Variants in RIMS1 observed in about 807,000 individuals in gnomAD.
The protein encoded by RIMS1 is regulating synaptic membrane exocytosis protein 1.
Under a neutral mutation model 214.1 loss-of-function variants are expected in RIMS1, and 83 were observed. That is an observed-to-expected ratio of 0.39 (90% CI 0.32 to 0.47). The LOEUF (loss-of-function observed/expected upper bound fraction) is 0.47. Among genes scored for constraint, RIMS1 ranks in the 20% least tolerant of loss-of-function variants. RIMS1 has a pLI of 0.99. For synonymous variants in RIMS1, 793 were observed against 786.8 expected, an observed-to-expected ratio of 1.01 and a Z score of -0.13; for missense variants, 2,050 against 2,161.8, an observed-to-expected ratio of 0.95 and a Z score of 1.03.
At chr6:72,220,723 G>A (rs2058099602) in intron 6 of RIMS1, among the ~76,000 whole-genome samples, 1 of 152,064 alleles carries the variant, frequency 6.6e-6, no homozygotes, top group African/African-American at 2.4e-5. Context: ...CAGATCATTG[G>A]CATAAGCAAA....
intron 2 of RIMS1, among the ~76,000 whole-genome samples, chr6:72,080,071 T>A: frequency 1.3e-5 from 1 of 74,548 alleles, no homozygotes; most frequent in Non-Finnish European, 2.4e-5. Flanking sequence ...ACCGTGTCTC[T>A]ACTAAAAAAA....
At chr6:72,031,595 T>C (rs1224628999) in intron 2 of RIMS1, among the ~76,000 whole-genome samples, 3 of 152,118 alleles carry the variant, frequency 2.0e-5, no homozygotes, top group African/African-American at 7.2e-5. Context: ...AAAAATTTCA[T>C]ATGAGTAAAC....
intron 19 of RIMS1, chr6:72,263,073 G>A (rs188087036): frequency 2.1e-6 from 2 of 970,660 alleles, no homozygotes; most frequent in African/African-American, 3.5e-5. Context: ...TGTTTAACTA[G>A]TTTTTCCAAA....
At chr6:71,996,604 A>G (rs1803510483) in intron 2 of RIMS1, among the ~76,000 whole-genome samples, 1 of 152,228 alleles carries the variant, frequency 6.6e-6, no homozygotes, top group Non-Finnish European at 1.5e-5. Flanking sequence ...AGAAAATGAC[A>G]AGCTCGTCCA....
chr6:72,271,878 G>A (rs1591466806), intron 22 of RIMS1, among the ~76,000 whole-genome samples: 1 of 152,254 alleles, frequency 6.6e-6, no homozygotes, highest in East Asian at 1.9e-4. Context: ...AAGCCTCACT[G>A]TATTTCCTTC....
intron 1 of RIMS1, among the ~76,000 whole-genome samples, chr6:71,895,447 G>A (rs1771380351): frequency 6.6e-6 from 1 of 152,082 alleles, no homozygotes; most frequent in Admixed American, 6.6e-5. Flanking sequence ...GGCTGAGAAG[G>A]GCGTATCACC....
chr6:72,258,055 A>G (rs1191022657), intron 16 of RIMS1, 70 bp from the exon 17 acceptor site: 5 of 1,358,036 alleles, frequency 3.7e-6, no homozygotes, highest in East Asian at 4.9e-5. Context: ...GAATAATTTT[A>G]TATTCCTGTG....
intron 4 of RIMS1, among the ~76,000 whole-genome samples, chr6:72,134,554 T>C (rs2040963888): frequency 6.6e-6 from 1 of 152,112 alleles, no homozygotes; most frequent in Non-Finnish European, 1.5e-5. Context: ...ATGAGTTTCG[T>C]AACTTAAGAT....
At chr6:72,292,143 T>C in intron 26 of RIMS1, 97 bp downstream of exon 26, 1 of 743,646 alleles carries the variant, frequency 1.3e-6, no homozygotes, top group East Asian at 2.8e-5. Flanking sequence ...TTTGATTATA[T>C]GTAGTTTGCT....
intron 4 of RIMS1, among the ~76,000 whole-genome samples, chr6:72,165,256 C>A (rs1019198624): frequency 6.6e-6 from 1 of 152,146 alleles, no homozygotes; most frequent in Admixed American, 6.5e-5. Flanking sequence ...ATACACAAGT[C>A]TACTTAGTTC....
chr6:72,094,725 T>C (rs960954137), intron 2 of RIMS1, among the ~76,000 whole-genome samples: 2 of 152,156 alleles, frequency 1.3e-5, no homozygotes, highest in African/African-American at 4.8e-5. Context: ...CTGGCTTTAT[T>C]CCAAAAAGTT....
In RIMS1 at chr6:72,259,045, C is replaced by T. The variant is rs779288398; in HGVS notation, c.2987C>T (p.Ala996Val). 2.5e-6 allele frequency: 4 copies of T among 1,611,642 alleles called. No individual in the cohort carries two copies. The highest frequency in any genetic ancestry group is 3.4e-6 in the Non-Finnish European group (4 of 1,177,978). Residue 996 changes from alanine (A) to valine (V), a missense_variant, in exon 18 of 34, where the codon GCC becomes GTC. Physicochemically the swap from Ala to Val is moderately conservative, Grantham distance 64 (BLOSUM62 0). Coordinates refer to ENST00000521978, the MANE Select transcript of RIMS1 (RefSeq NM_014989.7). ...CGTTCTCCAACCAGACACCATGATG[C>T]CTCCCGAAGTCCAGTTGATCATAGA... ...RSRSPTRHHDASRSPVDHRTR... is the reference protein window; with the variant it reads ...RSRSPTRHHDVSRSPVDHRTR...
intron 2 of RIMS1, among the ~76,000 whole-genome samples, chr6:71,987,355 T>C (rs1165993329): frequency 6.6e-6 from 1 of 152,184 alleles, no homozygotes; most frequent in Non-Finnish European, 1.5e-5. Context: ...GACCCTCTTC[T>C]TGGTTTACAG....
At chr6:72,107,859 A>T (rs1230223074) in intron 4 of RIMS1, among the ~76,000 whole-genome samples, 1 of 152,144 alleles carries the variant, frequency 6.6e-6, no homozygotes, top group Non-Finnish European at 1.5e-5. Flanking sequence ...ATTCTTAGAA[A>T]CTAATGTTTA....
intron 6 of RIMS1, among the ~76,000 whole-genome samples, chr6:72,192,054 G>C (rs1010708897): frequency 6.6e-6 from 1 of 152,224 alleles, no homozygotes; most frequent in African/African-American, 2.4e-5. Context: ...GAGCCAACGT[G>C]GGGGTTCTGC....
At position 72,025,672 on chromosome 6, in the gene RIMS1, C is replaced by G. The variant is rs570592265; in HGVS notation, c.245+56609C>G. ...TTTGTACTAGTTATCTATTGCTTCA[C>G]TCGCATAAATTACCCCTAAATGTAG... is the stretch of plus-strand genomic sequence containing the variant. On this transcript the variant is annotated intron_variant, in intron 2 of 33. Transcript: ENST00000521978. 3.3e-5 allele frequency among the ~76,000 whole-genome samples: 5 copies of G among 152,296 alleles called. No homozygotes were observed. The South Asian group carries it at 1.0e-3, about 32-fold the overall frequency.
At chr6:72,262,202 C>G (rs1160986779) in intron 19 of RIMS1, 1 of 850,224 alleles carries the variant, frequency 1.2e-6, no homozygotes, top group Admixed American at 6.3e-5. Flanking sequence ...TTATTTTGTA[C>G]TTGTAAAATA....
chr6:71,955,005 C>T (rs781597985), intron 1 of RIMS1, among the ~76,000 whole-genome samples: 17 of 151,990 alleles, frequency 1.1e-4, no homozygotes, highest in Non-Finnish European at 2.9e-5. Context: ...GGCTTCTTTG[C>T]TCTAAAAATA....
At chr6:72,332,540 T>TG (rs1189937142) in intron 28 of RIMS1, among the ~76,000 whole-genome samples, 2 of 37,902 alleles carry the variant, frequency 5.3e-5, no homozygotes, top group Non-Finnish European at 9.6e-5. Context: ...TGTTGTGGGG[T>TG]GGGGGGAGGG....
Sources: gnomAD v4.1 joint callset for allele counts (sites outside exome capture counted in the v4.1 genomes callset) on GRCh38, gnomAD v4.1.1 for gene constraint, MANE v1.5 for transcripts, NCBI Gene and HGNC (gene_info 2026-07-23, HGNC 2026-07-21) for gene names.